WHAMM: variants seen among roughly 807,000 people sequenced by gnomAD.
WHAMM encodes the protein WASP homolog associated with actin, golgi membranes and microtubules.
Under a neutral mutation model 76.5 loss-of-function variants are expected in WHAMM, and 67 were observed. The observed-to-expected ratio is 0.88, with a 90% CI of 0.72 to 1.07. WHAMM has a LOEUF of 1.07. Among genes scored for constraint, WHAMM ranks in the 50% least tolerant of loss-of-function variants. The pLI is 0.00. For synonymous variants in WHAMM, 419 were observed against 422.1 expected (o/e 0.99, Z 0.09); for missense variants, 1,021 against 1,051.1 (o/e 0.97, Z 0.40).
At chr15:82,827,368 A>C (rs1467580073) in intron 8 of WHAMM, among the ~76,000 whole-genome samples, 1 of 151,932 alleles carries the variant, frequency 6.6e-6, no homozygotes, top group Non-Finnish European at 1.5e-5. Context: ...CCTCTGTTCT[A>C]GGCCTACATT....
chr15:82,817,335 A>G (rs1253696356), intron 3 of WHAMM, among the ~76,000 whole-genome samples: 12 of 152,174 alleles, frequency 7.9e-5, no homozygotes, highest in Admixed American at 7.9e-4. Flanking sequence ...GTATGAGGGA[A>G]AATGCTGGCC....
chr15:82,810,278 G>A lies in WHAMM; in HGVS notation c.552G>A (p.Glu184=). The A allele has an allele frequency of 2.9e-6, 4 of 1,372,636 alleles. No homozygotes were observed. The highest frequency in any genetic ancestry group is 3.8e-6 in the Non-Finnish European group (4 of 1,066,006). The allele number at this position is 1,372,636 out of a possible 1,614,324, so 85.0% of individuals were successfully genotyped here. Reference sequence around the variant, plus strand: ...CGGCCGACTGCGAAAGCCCGCGCGAGTTCCGGGAGCGGGCCTTGCGCGCGC... The same window carrying A: ...CGGCCGACTGCGAAAGCCCGCGCGAATTCCGGGAGCGGGCCTTGCGCGCGC... ...GGAADCESPR[E]FRERALRARW... The change falls in exon 1 of 10, where the codon GAG becomes GAA. Residue 184 remains glutamate (E), a synonymous_variant. Coordinates refer to ENST00000286760, the MANE Select transcript of WHAMM (RefSeq NM_001080435.3).
intron 1 of WHAMM, among the ~76,000 whole-genome samples, chr15:82,812,514 C>CA (rs1423153628): frequency 9.9e-5 from 15 of 152,200 alleles, no homozygotes; most frequent in African/African-American, 2.7e-4. Flanking sequence ...AGGCGTGAGC[C>CA]ACCACGCCTG....
At chr15:82,831,347 G>A (rs954799432) in intron 9 of WHAMM, among the ~76,000 whole-genome samples, 13 of 152,178 alleles carry the variant, frequency 8.5e-5, no homozygotes, top group African/African-American at 3.1e-4. Context: ...GGTTTCTGAG[G>A]TTGTTAAAGT....
intron 5 of WHAMM, among the ~76,000 whole-genome samples, chr15:82,822,591 C>T (rs1327697281): frequency 1.3e-5 from 2 of 152,208 alleles, no homozygotes; most frequent in African/African-American, 4.8e-5. Flanking sequence ...GCATGCGCCA[C>T]TGTGCCTAAC....
chr15:82,810,381 T>C, intron 1 of WHAMM, 46 bp downstream of exon 1: 2 of 1,258,832 alleles, frequency 1.6e-6, no homozygotes, highest in Non-Finnish European at 2.0e-6. Flanking sequence ...TTCCATGGCC[T>C]GGGACACTGT....
At position 82,833,566 on chromosome 15, in the gene WHAMM, G is replaced by A. The variant is rs374537505; in HGVS notation, c.*30G>A. The A allele has an allele frequency of 8.1e-6, 13 of 1,606,020 alleles. No individual in the cohort carries two copies. The African/African-American group carries it at 9.4e-5, about 12-fold the overall frequency. ...AAGTTTGACAAAGGCACCTGCCACA[G>A]TAGGCTTGAATAAAGTGGGTGAGTC... On this transcript the variant is annotated 3_prime_UTR_variant, in exon 10 of 10. Transcript: ENST00000286760.
At chr15:82,823,344 A>G in intron 6 of WHAMM, 57 bp downstream of exon 6, 5 of 1,298,912 alleles carry the variant, frequency 3.8e-6, no homozygotes, top group Non-Finnish European at 4.9e-6. Context: ...TTATTCTTGT[A>G]TGAAGGATAA....
intron 2 of WHAMM, among the ~76,000 whole-genome samples, chr15:82,814,664 C>T (rs560221586): frequency 7.9e-5 from 12 of 151,548 alleles, no homozygotes; most frequent in Admixed American, 7.2e-4. Context: ...GTTGGTCAGG[C>T]TGGTCTCGAA....
chr15:82,824,155 T>G (rs2050887660), intron 6 of WHAMM, among the ~76,000 whole-genome samples: 1 of 134,054 alleles, frequency 7.5e-6, no homozygotes, highest in Non-Finnish European at 1.6e-5. Flanking sequence ...TTTACTATAC[T>G]TTTCTCCTTT....
intron 6 of WHAMM, among the ~76,000 whole-genome samples, chr15:82,824,815 T>C (rs1270703043): frequency 2.6e-5 from 4 of 152,240 alleles, no homozygotes; most frequent in Non-Finnish European, 2.9e-5. Flanking sequence ...TTGTGACTTT[T>C]GTAGCTTATA....
At chr15:82,816,413 G>A (rs2050726980) in intron 2 of WHAMM, among the ~76,000 whole-genome samples, 1 of 152,152 alleles carries the variant, frequency 6.6e-6, no homozygotes, top group African/African-American at 2.4e-5. Flanking sequence ...AGAAGCATAA[G>A]TTGACAACAT....
chr15:82,830,558 G>C lies in WHAMM; in HGVS notation c.1642-41G>C, dbSNP rs548657978. The C allele has an allele frequency of 5.0e-6, 8 of 1,588,754 alleles. No individual in the cohort carries two copies. The African/African-American group carries it at 1.1e-4, about 21-fold the overall frequency. On this transcript the variant is annotated intron_variant, in intron 8 of 9. Coordinates refer to ENST00000286760, the MANE Select transcript of WHAMM (RefSeq NM_001080435.3). The stretch of plus-strand genomic sequence containing the variant: ...GAAAGTTTCAGCATTTTGATGGTTT[G>C]CACTTGTGGCAGATTGCTCACCATG...
intron 2 of WHAMM, among the ~76,000 whole-genome samples, chr15:82,815,312 A>G (rs1479246282): frequency 6.6e-6 from 1 of 151,006 alleles, no homozygotes; most frequent in Non-Finnish European, 1.5e-5. Context: ...GGATTTCCCT[A>G]CTCTGGACAT....
intron 2 of WHAMM, among the ~76,000 whole-genome samples, chr15:82,816,336 C>G (rs2050725369): frequency 5.3e-5 from 8 of 152,200 alleles, no homozygotes; most frequent in Admixed American, 3.9e-4. Context: ...GTGCTGTGTT[C>G]CAGGCCCTAT....
intron 3 of WHAMM, 68 bp downstream of exon 3, chr15:82,816,910 G>GAATAA: frequency 6.8e-7 from 1 of 1,471,252 alleles, no homozygotes; most frequent in Non-Finnish European, 9.2e-7. Flanking sequence ...AATACCATTT[G>GAATAA]AGTCCCTCTT....
In WHAMM at chr15:82,830,889, T is replaced by TCCA. The variant is rs200993177; in HGVS notation, c.1944_1946dup (p.Pro658dup). ...TGTCACTGCCACCACCTCCTCCTCCTCCACCACCACCACCGCCGCCACCGC... is the reference window on the plus strand; with the variant it reads ...TGTCACTGCCACCACCTCCTCCTCCTCCACCACCACCACCACCGCCGCCACCGC... On this transcript the variant is annotated inframe_insertion, in exon 9 of 10. Coordinates refer to ENST00000286760, the MANE Select transcript of WHAMM (RefSeq NM_001080435.3). 2.2e-5 allele frequency: 35 copies of TCCA among 1,572,086 alleles called. No individual in the cohort carries two copies. The highest frequency in any genetic ancestry group is 8.1e-5 in the African/African-American group (6 of 73,840).
chr15:82,820,637 G>T (rs1212145827), intron 5 of WHAMM, among the ~76,000 whole-genome samples: 2 of 152,102 alleles, frequency 1.3e-5, no homozygotes, highest in Non-Finnish European at 2.9e-5. Flanking sequence ...GCTCACACCT[G>T]TAATTTCAGC....
At chr15:82,810,380 CT>C in intron 1 of WHAMM, 45 bp downstream of exon 1, 1 of 1,265,084 alleles carries the variant, frequency 7.9e-7, no homozygotes, top group South Asian at 2.9e-5. Context: ...CTTCCATGGC[CT>C]GGGACACTGT....
Sources: allele counts gnomAD v4.1 joint callset (sites outside exome capture counted in the v4.1 genomes callset), GRCh38; gene constraint gnomAD v4.1.1; transcripts MANE v1.5; gene names NCBI Gene and HGNC (gene_info 2026-07-23, HGNC 2026-07-21).